RCC1L: variants seen among roughly 807,000 people sequenced by gnomAD.
The protein encoded by RCC1L is RCC1 like.
In RCC1L, 46 loss-of-function variants were observed where a neutral mutation model predicts 58.6. That is an observed-to-expected ratio of 0.79 (90% CI 0.62 to 1.00). The LOEUF (loss-of-function observed/expected upper bound fraction) is 1.00, where lower values mean the gene tolerates loss of function less well. Among genes scored for constraint, RCC1L ranks in the 50% least tolerant of loss-of-function variants. The pLI is 0.00. For synonymous variants in RCC1L, 281 were observed against 262.9 expected (o/e 1.07, Z -0.67); for missense variants, 636 against 623.6 (o/e 1.02, Z -0.21).
At chr7:75,062,545 T>C (rs917660379) in intron 5 of RCC1L, among the ~76,000 whole-genome samples, 9 of 152,198 alleles carry the variant, frequency 5.9e-5, no homozygotes, top group Non-Finnish European at 1.3e-4. Flanking sequence ...GCCAGCCGTA[T>C]CACAGTATGA....
chr7:75,059,256 T>C (rs1806196714), intron 6 of RCC1L, among the ~76,000 whole-genome samples: 1 of 150,146 alleles, frequency 6.7e-6, no homozygotes, highest in Non-Finnish European at 1.5e-5. Context: ...CTTAGTTGCA[T>C]GCTCATACAA....
downstream of RCC1L, among the ~76,000 whole-genome samples, chr7:75,038,868 CG>C (rs1402478630): frequency 3.9e-5 from 6 of 152,132 alleles, no homozygotes; most frequent in South Asian, 1.2e-3. Context: ...CTCCTGCCTC[CG>C]GGGGGAAACC....
chr7:75,066,710 G>C lies in RCC1L; in HGVS notation c.537C>G (p.Val179=). The change falls in exon 3 of 11, where the codon GTC becomes GTG. Residue 179 remains valine (V), a synonymous_variant. Coordinates refer to ENST00000610322, the MANE Select transcript of RCC1L (RefSeq NM_030798.5). ...DRPQETRVLQ[V]SCGRAHSLVL... ...CAAGAGAGTGAGCTCGGCCGCAGGA[G>C]ACCTGCAGCACCCGTGTCTCCTGAG... The C allele has an allele frequency of 6.2e-7, 1 of 1,613,496 alleles. No homozygotes were observed.
chr7:75,069,921 T>A (rs907018906), intron 2 of RCC1L, among the ~76,000 whole-genome samples: 20 of 152,214 alleles, frequency 1.3e-4, no homozygotes, highest in Non-Finnish European at 2.5e-4. Context: ...GTCTACTTTT[T>A]AAAATGCCAT....
At chr7:75,059,432 G>T (rs906938767) in intron 6 of RCC1L, among the ~76,000 whole-genome samples, 1 of 151,458 alleles carries the variant, frequency 6.6e-6, no homozygotes, top group Non-Finnish European at 1.5e-5. Context: ...CACCACAGCC[G>T]GCTAATTTTT....
chr7:75,060,122 A>G (rs1403068951), intron 6 of RCC1L, among the ~76,000 whole-genome samples: 2 of 152,108 alleles, frequency 1.3e-5, no homozygotes, highest in Non-Finnish European at 2.9e-5. Flanking sequence ...CTAGAATCCT[A>G]TAGTATGTAG....
intron 4 of RCC1L, among the ~76,000 whole-genome samples, chr7:75,064,346 AT>A (rs1458949144): frequency 7.7e-6 from 1 of 129,738 alleles, no homozygotes; most frequent in African/African-American, 2.9e-5. Context: ...AAAAAAAAAA[AT>A]TTATCCGGAG....
At chr7:75,042,069 A>T, downstream of RCC1L, 80 of 523,704 alleles carry the variant, frequency 1.5e-4, no homozygotes, top group Middle Eastern at 9.7e-4. Flanking sequence ...AAATAAAAAG[A>T]CCTCATCTCT....
At chr7:75,064,764 A>G (rs1806404326) in intron 3 of RCC1L, 116 bp from the exon 4 acceptor site, 2 of 1,159,114 alleles carry the variant, frequency 1.7e-6, no homozygotes, top group Non-Finnish European at 2.6e-6. Context: ...CCACCCCCCA[A>G]CTGCCCCTGG....
chr7:75,066,726 G>C lies in RCC1L; in HGVS notation c.521C>G (p.Thr174Arg). 1 of 1,613,626 alleles carries C rather than the reference G, an allele frequency of 6.2e-7. No homozygotes were observed. The highest frequency in any genetic ancestry group is 8.5e-7 in the Non-Finnish European group (1 of 1,179,778). ...GCCGCAGGAGACCTGCAGCACCCGT[G>C]TCTCCTGAGGTCTGTCCAGAGGCAG... ...VSLPLDRPQETRVLQVSCGRA... is the reference protein window; with the variant it reads ...VSLPLDRPQERRVLQVSCGRA... Residue 174 changes from threonine to arginine, a missense_variant, in exon 3 of 11, where the codon ACA becomes AGA. Thr to Arg is a moderately conservative substitution (Grantham distance 71). Coordinates refer to ENST00000610322, the MANE Select transcript of RCC1L (RefSeq NM_030798.5).
At chr7:75,036,056 T>G (rs1217137984) in intron 10 of RCC1L, among the ~76,000 whole-genome samples, 1 of 151,562 alleles carries the variant, frequency 6.6e-6, no homozygotes, top group Non-Finnish European at 1.5e-5. Context: ...CAAGCAGGGT[T>G]GAGAATGAGA....
intron 9 of RCC1L, among the ~76,000 whole-genome samples, chr7:75,054,759 G>A (rs1426358849): frequency 6.6e-6 from 1 of 152,082 alleles, no homozygotes. Context: ...TCCAGCCTGG[G>A]CAACAAGAGT....
At chr7:75,058,840 T>C (rs1262150967) in intron 6 of RCC1L, 71 bp from the exon 7 acceptor site, 8 of 1,591,560 alleles carry the variant, frequency 5.0e-6, no homozygotes, top group Non-Finnish European at 6.9e-6. Flanking sequence ...ACTTACTATA[T>C]GCCAAGTGCA....
chr7:75,068,938 C>T (rs983572968), intron 2 of RCC1L, among the ~76,000 whole-genome samples: 13 of 151,862 alleles, frequency 8.6e-5, no homozygotes, highest in African/African-American at 2.9e-4. Context: ...GGTGCGATCT[C>T]GGCTCACTGC....
chr7:75,061,015 A>G (rs1218112288), intron 6 of RCC1L, among the ~76,000 whole-genome samples, 192 bp downstream of exon 6: 1 of 152,156 alleles, frequency 6.6e-6, no homozygotes, highest in Non-Finnish European at 1.5e-5. Context: ...TTGAGACTGC[A>G]GTGAGATGTG....
Position 75,056,671 on chromosome 7 carries a change from C to G in RCC1L, c.1058-597G>C, listed in dbSNP as rs1226184275. ...GCTAAGGGAGGGGAATGAAGTAGTTCGCTCTCCACTCCAGAGGTTTGCTCT... is the reference window on the plus strand; with the variant it reads ...GCTAAGGGAGGGGAATGAAGTAGTTGGCTCTCCACTCCAGAGGTTTGCTCT... On this transcript the variant is annotated intron_variant, in intron 8 of 10. Transcript: ENST00000610322. 7 of 1,535,276 alleles carry G rather than the reference C, an allele frequency of 4.6e-6. No individual in the cohort carries two copies. The African/African-American group carries it at 9.6e-5, about 21-fold the overall frequency.
intron 8 of RCC1L, among the ~76,000 whole-genome samples, chr7:75,056,290 T>C: frequency 6.6e-6 from 1 of 151,872 alleles, no homozygotes; most frequent in Non-Finnish European, 1.5e-5. Context: ...GCTGGGGGAG[T>C]CTGTCTCGCC....
Position 75,061,216 on chromosome 7 carries a change from C to A in RCC1L, c.778G>T (p.Gly260Trp). ...EVYSCGWGAD[G>W]QTGLGHYNIT... ...ATGAAAAGAACTCTACCTGTTTGCC[C>A]ATCAGCACCCCATCCACAAGAATAG... The change falls in exon 6 of 11, where the codon GGG becomes TGG. Residue 260 changes from glycine to tryptophan, a missense_variant. By Grantham distance (184) the Gly-to-Trp change is radical. Coordinates refer to ENST00000610322, the MANE Select transcript of RCC1L (RefSeq NM_030798.5). The A allele has an allele frequency of 3.1e-6, 5 of 1,613,742 alleles. No individual in the cohort carries two copies. Among genetic ancestry groups the A allele is most frequent in the Non-Finnish European group, 4.2e-6 (5 of 1,179,770 alleles).
chr7:75,033,788 T>G (rs1364549459), intron 10 of RCC1L, among the ~76,000 whole-genome samples: 2 of 150,726 alleles, frequency 1.3e-5, no homozygotes, highest in Non-Finnish European at 3.0e-5. Flanking sequence ...AGCCCAGGAG[T>G]TGGAGGCTCC....
Sources: allele counts gnomAD v4.1 joint callset (sites outside exome capture counted in the v4.1 genomes callset), GRCh38; gene constraint gnomAD v4.1.1; transcripts MANE v1.5; gene names NCBI Gene and HGNC (gene_info 2026-07-23, HGNC 2026-07-21).